The following LUZP2 variants were observed in gnomAD, a reference collection of about 807,000 sequenced individuals.
LUZP2 encodes leucine zipper protein 2.
LUZP2 carries 52 observed loss-of-function variants against 51.6 expected under a neutral mutation model. That is an observed-to-expected ratio of 1.01 (90% CI 0.81 to 1.27). The LOEUF is 1.27. Among genes scored for constraint, LUZP2 ranks in the 50% most tolerant of loss-of-function variants. The probability of loss-of-function intolerance (pLI) is 0.00; values close to 1 mark genes in which losing one functional copy is unlikely to be tolerated. For synonymous variants in LUZP2, 154 were observed against 137.3 expected (o/e 1.12, Z -0.85); for missense variants, 436 against 395.4 (o/e 1.10, Z -0.87).
chr11:24,728,220 G>C (rs1858563808), intron 1 of LUZP2, among the ~76,000 whole-genome samples: 1 of 151,880 alleles, frequency 6.6e-6, no homozygotes, highest in Non-Finnish European at 1.5e-5. Flanking sequence ...GAAGGGCTGT[G>C]TCCAAAAATT....
chr11:24,715,799 G>T (rs145229458), intron 1 of LUZP2, among the ~76,000 whole-genome samples: 1 of 151,978 alleles, frequency 6.6e-6, no homozygotes, highest in Non-Finnish European at 1.5e-5. Flanking sequence ...ATACTTCATT[G>T]TTAATGTTTG....
At chr11:24,794,275 TC>T (rs1245803677) in intron 5 of LUZP2, among the ~76,000 whole-genome samples, 1 of 152,142 alleles carries the variant, frequency 6.6e-6, no homozygotes, top group Non-Finnish European at 1.5e-5. Context: ...ACTGATATAT[TC>T]TACATACTCT....
At chr11:24,994,654 T>C (rs1044656603) in intron 9 of LUZP2, among the ~76,000 whole-genome samples, 2 of 152,220 alleles carry the variant, frequency 1.3e-5, no homozygotes, top group Non-Finnish European at 2.9e-5. Flanking sequence ...GCTCAATTTC[T>C]AGAAAAACAA....
intron 5 of LUZP2, among the ~76,000 whole-genome samples, chr11:24,898,151 T>A (rs1416426786): frequency 6.6e-6 from 1 of 152,120 alleles, no homozygotes; most frequent in Non-Finnish European, 1.5e-5. Context: ...ATTTGGTATA[T>A]CTGTGAGAAA....
chr11:24,563,905 G>C (rs1261872352), intron 1 of LUZP2, among the ~76,000 whole-genome samples: 1 of 151,956 alleles, frequency 6.6e-6, no homozygotes, highest in Non-Finnish European at 1.5e-5. Context: ...TTGAAGCAGA[G>C]TAATAATTAA....
At chr11:25,043,814 A>G (rs1186396866) in intron 9 of LUZP2, among the ~76,000 whole-genome samples, 1 of 147,682 alleles carries the variant, frequency 6.8e-6, no homozygotes, top group Non-Finnish European at 1.5e-5. Context: ...CATTATGTAA[A>G]AAGTACATAA....
At chr11:24,847,332 G>A (rs1042665445) in intron 5 of LUZP2, among the ~76,000 whole-genome samples, 1 of 151,938 alleles carries the variant, frequency 6.6e-6, no homozygotes, top group Non-Finnish European at 1.5e-5. Context: ...TGTCTCTTTA[G>A]TTTTCTTCGG....
At chr11:24,549,055 C>CT (rs1554952985) in intron 1 of LUZP2, among the ~76,000 whole-genome samples, 18 of 151,846 alleles carry the variant, frequency 1.2e-4, no homozygotes, top group Non-Finnish European at 2.4e-4. Flanking sequence ...CTTACTGTAA[C>CT]TTTTTTTACT....
rs540624626 is a variant in LUZP2, at chr11:24,756,773, A to G, written c.334-6473A>G. On this transcript the variant is annotated intron_variant, in intron 4 of 11. Transcript: ENST00000336930. ...TCTCCTCCAATTTAATTCTGACACTACTTAGCTGGAGATAGTGTCAGATCC... is the reference window on the plus strand; with the variant it reads ...TCTCCTCCAATTTAATTCTGACACTGCTTAGCTGGAGATAGTGTCAGATCC... Among the ~76,000 whole-genome samples, 130 of 152,230 alleles carry G rather than the reference A, an allele frequency of 8.5e-4. 1 individual carries two copies. The highest frequency in any genetic ancestry group is 3.1e-3 in the African/African-American group (130 of 41,544).
At chr11:24,521,502 C>T (rs1202386423) in intron 1 of LUZP2, among the ~76,000 whole-genome samples, 1 of 151,810 alleles carries the variant, frequency 6.6e-6, no homozygotes, top group East Asian at 1.9e-4. Context: ...ATTTTAAAGG[C>T]CTAGCATTTC....
intron 9 of LUZP2, among the ~76,000 whole-genome samples, chr11:24,984,811 TA>T (rs1172849792): frequency 8.6e-5 from 13 of 151,462 alleles, no homozygotes; most frequent in African/African-American, 2.9e-4. Flanking sequence ...CTGAGTGAAT[TA>T]TTTCTTACCC....
chr11:24,960,970 G>A (rs1855379999), intron 7 of LUZP2, among the ~76,000 whole-genome samples: 1 of 152,016 alleles, frequency 6.6e-6, no homozygotes, highest in Admixed American at 6.6e-5. Flanking sequence ...TGGTTTCAAA[G>A]AACATCTTTA....
At chr11:24,549,827 C>T (rs1184032669) in intron 1 of LUZP2, among the ~76,000 whole-genome samples, 1 of 152,002 alleles carries the variant, frequency 6.6e-6, no homozygotes, top group Non-Finnish European at 1.5e-5. Context: ...TTAACTAAAA[C>T]CACCAAAATG....
intron 1 of LUZP2, among the ~76,000 whole-genome samples, chr11:24,608,471 G>C (rs764125871): frequency 5.6e-4 from 86 of 152,294 alleles, no homozygotes; most frequent in South Asian, 1.0e-3. Context: ...TTCTGGTAAA[G>C]ATATGACAGG....
intron 10 of LUZP2, among the ~76,000 whole-genome samples, chr11:25,072,826 A>G (rs1420542229): frequency 3.3e-5 from 5 of 150,196 alleles, no homozygotes; most frequent in Admixed American, 1.3e-4. Context: ...CTTTAAATAT[A>G]TAAACACAAT....
rs75287290 is a variant in LUZP2, at chr11:24,506,667, G to A, written c.62+9362G>A. On this transcript the variant is annotated intron_variant, in intron 1 of 11. Transcript: ENST00000336930. ...AGACCAAGATTTCTGAGGACTAATC[G>A]TGTGTGTAGAAGTGCTAGCTACTTA... Among the ~76,000 whole-genome samples, 562 of 152,126 alleles carry A rather than the reference G, an allele frequency of 3.7e-3. 3 individuals are homozygous for A. The highest frequency in any genetic ancestry group is 0.012 in the African/African-American group (513 of 41,544).
intron 1 of LUZP2, among the ~76,000 whole-genome samples, chr11:24,644,090 C>T (rs1017072822): frequency 2.0e-5 from 3 of 152,176 alleles, no homozygotes; most frequent in African/African-American, 4.8e-5. Flanking sequence ...AATCCCCATC[C>T]TAGGACTGAG....
intron 9 of LUZP2, among the ~76,000 whole-genome samples, chr11:25,034,644 G>A (rs977115794): frequency 6.6e-6 from 1 of 152,114 alleles, no homozygotes; most frequent in Non-Finnish European, 1.5e-5. Flanking sequence ...CGTGTGGTTA[G>A]CCAGTTATCC....
chr11:24,608,572 AT>A (rs1191524033), intron 1 of LUZP2, among the ~76,000 whole-genome samples: 1 of 152,132 alleles, frequency 6.6e-6, no homozygotes, highest in African/African-American at 2.4e-5. Context: ...AAAAGTTAAG[AT>A]TTTTAGAGTT....
Sources: gnomAD v4.1 joint callset for allele counts (sites outside exome capture counted in the v4.1 genomes callset) on GRCh38, gnomAD v4.1.1 for gene constraint, MANE v1.5 for transcripts, NCBI Gene and HGNC (gene_info 2026-07-23, HGNC 2026-07-21) for gene names.